ABL1: variants seen among roughly 807,000 people sequenced by gnomAD.
ABL1 encodes the protein tyrosine-protein kinase ABL1.
ABL1 carries 11 observed loss-of-function variants against 94.7 expected under a neutral mutation model. The observed-to-expected ratio is 0.12, with a 90% CI of 0.07 to 0.19. ABL1 has a LOEUF of 0.19. ABL1 is among the 10% of genes least tolerant of loss of function. The probability of loss-of-function intolerance (pLI) is 1.00; values close to 1 mark genes in which losing one functional copy is unlikely to be tolerated. For missense variants in ABL1, 1,082 were observed against 1,489.4 expected, an observed-to-expected ratio of 0.73 and a Z score of 4.50; for synonymous variants, 656 against 622.4, an observed-to-expected ratio of 1.05 and a Z score of -0.80.
chr9:130,724,827 G>T, intron 1 of ABL1: 1 of 489,668 alleles, frequency 2.0e-6, no homozygotes, highest in South Asian at 1.5e-5. Context: ...TTGGGTTTAG[G>T]TGTTGTTCCT....
At chr9:130,738,825 T>C (rs1238627399) in intron 1 of ABL1, among the ~76,000 whole-genome samples, 2 of 152,236 alleles carry the variant, frequency 1.3e-5, no homozygotes, top group Non-Finnish European at 2.9e-5. Flanking sequence ...AACAAATTTA[T>C]TGTTTAGAGG....
intron 1 of ABL1, among the ~76,000 whole-genome samples, chr9:130,769,635 G>A (rs1036015598): frequency 6.6e-6 from 1 of 151,856 alleles, no homozygotes; most frequent in East Asian, 1.9e-4. Flanking sequence ...CACCGTCCCC[G>A]GCCCCTAGTC....
chr9:130,878,282 G>A, intron 7 of ABL1, 133 bp from the exon 8 acceptor site: 1 of 1,070,608 alleles, frequency 9.3e-7, no homozygotes, highest in South Asian at 1.5e-5. Flanking sequence ...AAAGAGCCTG[G>A]TAAAATGTCA....
At chr9:130,730,981 G>A (rs1055728992) in intron 1 of ABL1, among the ~76,000 whole-genome samples, 6 of 133,432 alleles carry the variant, frequency 4.5e-5, no homozygotes, top group South Asian at 5.0e-4. Context: ...GCCATTGTGC[G>A]TTTTCACTCT....
intron 1 of ABL1, among the ~76,000 whole-genome samples, chr9:130,770,221 A>T (rs1033528705): frequency 2.6e-5 from 4 of 152,160 alleles, no homozygotes; most frequent in Non-Finnish European, 5.9e-5. Flanking sequence ...ATTAAGATTT[A>T]TAAGACTGGG....
intron 1 of ABL1, among the ~76,000 whole-genome samples, chr9:130,732,657 T>G (rs1445834367): frequency 6.6e-6 from 1 of 152,196 alleles, no homozygotes; most frequent in Non-Finnish European, 1.5e-5. Flanking sequence ...GTGGGAATAT[T>G]GTCCCTGTTA....
chr9:130,868,082 C>T (rs11999959), intron 4 of ABL1, among the ~76,000 whole-genome samples: 8,823 of 152,112 alleles, frequency 0.058, 510 homozygotes, highest in African/African-American at 0.15. Context: ...GCCTCAGCCT[C>T]CCGAGTAGCT....
intron 1 of ABL1, among the ~76,000 whole-genome samples, chr9:130,827,918 T>TAAA (rs1370160568): frequency 6.9e-6 from 1 of 144,844 alleles, no homozygotes; most frequent in African/African-American, 2.6e-5. Context: ...AATAAATAAA[T>TAAA]AAATAAATAA....
Position 130,804,128 on chromosome 9 carries a change from G to A in ABL1, c.137-49936G>A, listed in dbSNP as rs147131372. Among the ~76,000 whole-genome samples, 362 of 152,058 alleles carry A rather than the reference G, an allele frequency of 2.4e-3. 13 individuals are homozygous for A. In the East Asian group the frequency reaches 0.062, roughly 26 times the overall value. The stretch of plus-strand genomic sequence containing the variant: ...TCTCAGCACTTTGGGAGGCTGAGGC[G>A]GGTGGATCACGAGATCAGGAGATCG... On this transcript the variant is annotated intron_variant, in intron 1 of 10. Coordinates refer to the ABL1 transcript ENST00000372348.
chr9:130,819,731 T>C (rs1830335129), intron 1 of ABL1, among the ~76,000 whole-genome samples: 1 of 151,670 alleles, frequency 6.6e-6, no homozygotes, highest in Non-Finnish European at 1.5e-5. Flanking sequence ...TTAGTAGAGA[T>C]GGAGTTTCAC....
chr9:130,756,881 C>T (rs1256343207), intron 1 of ABL1, among the ~76,000 whole-genome samples: 1 of 152,074 alleles, frequency 6.6e-6, no homozygotes, highest in Non-Finnish European at 1.5e-5. Context: ...TTGCCTTGAG[C>T]TCATGGTTTG....
chr9:130,858,062 T>C (rs916604021), intron 3 of ABL1, among the ~76,000 whole-genome samples: 1 of 152,014 alleles, frequency 6.6e-6, no homozygotes, highest in African/African-American at 2.4e-5. Flanking sequence ...ATGTGTGCTA[T>C]TTATCCAAGG....
At chr9:130,794,126 A>T (rs1021823897) in intron 1 of ABL1, among the ~76,000 whole-genome samples, 1 of 152,060 alleles carries the variant, frequency 6.6e-6, no homozygotes, top group Non-Finnish European at 1.5e-5. Context: ...TCATCCCAGA[A>T]CCACCCCTCA....
intron 1 of ABL1, among the ~76,000 whole-genome samples, chr9:130,764,932 G>A (rs1832161585): frequency 6.6e-6 from 1 of 151,252 alleles, no homozygotes; most frequent in Non-Finnish European, 1.5e-5. Flanking sequence ...CTCCAGTCTG[G>A]GTGACAGAGC....
Position 130,887,291 on chromosome 9 carries a change from A to G in ABL1, c.*1608A>G. On this transcript the variant is annotated 3_prime_UTR_variant, in exon 11 of 11. Coordinates refer to ENST00000318560, the MANE Select transcript of ABL1 (RefSeq NM_005157.6). The stretch of plus-strand genomic sequence containing the variant: ...CTGGATCGTTTTATGCGGTTCTTAC[A>G]GCACATCACCTCTTTGCCCCCGACG... 1 of 233,294 alleles carries G rather than the reference A, an allele frequency of 4.3e-6. No homozygotes were observed. 14.5% of individuals were successfully genotyped at this position (233,294 alleles called of 1,614,324 possible).
At chr9:130,811,101 C>CT (rs1564297098) in intron 1 of ABL1, among the ~76,000 whole-genome samples, 2 of 148,822 alleles carry the variant, frequency 1.3e-5, no homozygotes, top group African/African-American at 2.5e-5. Context: ...CTCTTTCAGA[C>CT]TTTAAAAAAA....
intron 1 of ABL1, among the ~76,000 whole-genome samples, chr9:130,762,249 C>T (rs868801847): frequency 1.3e-5 from 2 of 151,922 alleles, no homozygotes; most frequent in African/African-American, 4.8e-5. Context: ...ACATTTATTT[C>T]TCTGCCGTAG....
chr9:130,786,378 G>A (rs1829826180), intron 1 of ABL1, among the ~76,000 whole-genome samples: 1 of 152,206 alleles, frequency 6.6e-6, no homozygotes, highest in Admixed American at 6.5e-5. Context: ...AACAGCTTTG[G>A]CTGTGTGTGA....
intron 1 of ABL1, among the ~76,000 whole-genome samples, chr9:130,739,749 G>T (rs904574672): frequency 5.9e-5 from 9 of 152,210 alleles, no homozygotes; most frequent in African/African-American, 2.2e-4. Flanking sequence ...TCATTGCTTT[G>T]TAATAATGTA....
Sources: gnomAD v4.1 joint callset for allele counts (sites outside exome capture counted in the v4.1 genomes callset) on GRCh38, gnomAD v4.1.1 for gene constraint, MANE v1.5 for transcripts, NCBI Gene and HGNC (gene_info 2026-07-23, HGNC 2026-07-21) for gene names.